GULP1: variants seen among roughly 807,000 people sequenced by gnomAD.
GULP1 encodes the protein GULP PTB domain containing engulfment adaptor 1.
In GULP1, 19 loss-of-function variants were observed where a neutral mutation model predicts 40.9. The observed-to-expected ratio is 0.46, with a 90% CI of 0.32 to 0.68. The LOEUF is 0.68. GULP1 is among the 30% of genes least tolerant of loss of function. GULP1 has a pLI of 0.03. For synonymous variants in GULP1, 119 were observed against 117.6 expected (o/e 1.01, Z -0.08); for missense variants, 312 against 362.2 (o/e 0.86, Z 1.12).
chr2:188,380,585 T>A (rs937304536), intron 1 of GULP1, among the ~76,000 whole-genome samples: 1 of 152,082 alleles, frequency 6.6e-6, no homozygotes, highest in Non-Finnish European at 1.5e-5. Context: ...AGGGCCAAGA[T>A]CTTATTTTAT....
At chr2:188,508,351 A>C (rs958824675) in intron 4 of GULP1, among the ~76,000 whole-genome samples, 2 of 152,128 alleles carry the variant, frequency 1.3e-5, no homozygotes. Flanking sequence ...TTAGAAGTCT[A>C]TAATAAGATT....
chr2:188,348,734 T>G (rs2044043649), intron 1 of GULP1, among the ~76,000 whole-genome samples: 1 of 152,156 alleles, frequency 6.6e-6, no homozygotes, highest in African/African-American at 2.4e-5. Context: ...GCTTCTCCAG[T>G]GGTAACATCT....
At chr2:188,564,179 C>T (rs904717317) in intron 7 of GULP1, among the ~76,000 whole-genome samples, 9 of 151,846 alleles carry the variant, frequency 5.9e-5, no homozygotes, top group African/African-American at 2.2e-4. Flanking sequence ...TTATTGAATG[C>T]TTTCCTTCTA....
intron 2 of GULP1, 113 bp from the exon 3 acceptor site, chr2:188,477,545 GT>G (rs2061109876): frequency 1.8e-6 from 1 of 565,608 alleles, no homozygotes; most frequent in South Asian, 2.6e-5. Context: ...TTAGAATATT[GT>G]TTGTAAATAT....
intron 10 of GULP1, among the ~76,000 whole-genome samples, chr2:188,585,717 A>T (rs891145017): frequency 9.9e-5 from 15 of 152,176 alleles, no homozygotes; most frequent in Non-Finnish European, 1.6e-4. Flanking sequence ...TTGGCCCACG[A>T]AACCATTTTT....
At chr2:188,584,121 T>C (rs1701880828) in intron 9 of GULP1, 144 bp from the exon 10 acceptor site, 1 of 536,704 alleles carries the variant, frequency 1.9e-6, no homozygotes, top group African/African-American at 1.9e-5. Context: ...TGCGAATACT[T>C]AACTATTTTT....
At chr2:188,445,658 T>C (rs992012731) in intron 2 of GULP1, among the ~76,000 whole-genome samples, 4 of 152,200 alleles carry the variant, frequency 2.6e-5, no homozygotes, top group Admixed American at 2.6e-4. Context: ...CAATAAATTA[T>C]GAGTAGTGTC....
chr2:188,341,515 A>G (rs1294592775), intron 1 of GULP1, among the ~76,000 whole-genome samples: 1 of 152,140 alleles, frequency 6.6e-6, no homozygotes, highest in African/African-American at 2.4e-5. Flanking sequence ...GTTGGGGGAC[A>G]TCCTTGATAC....
chr2:188,498,424 A>G (rs2153133578), intron 4 of GULP1, among the ~76,000 whole-genome samples: 1 of 152,058 alleles, frequency 6.6e-6, no homozygotes, highest in Non-Finnish European at 1.5e-5. Context: ...TAAAAAGCCC[A>G]AAATATAGAG....
intron 6 of GULP1, among the ~76,000 whole-genome samples, chr2:188,532,776 CTGGGTGTGGTGGTGGG>C (rs1270432285): frequency 2.3e-4 from 31 of 135,422 alleles, no homozygotes; most frequent in Non-Finnish European, 3.7e-4. Flanking sequence ...AAAAAAGTAG[CTGGGTGTGGTGGTGGG>C]TGCCTGTAAT....
At chr2:188,394,018 C>T (rs942308338) in intron 2 of GULP1, among the ~76,000 whole-genome samples, 2 of 152,056 alleles carry the variant, frequency 1.3e-5, no homozygotes, top group Admixed American at 1.3e-4. Context: ...GTCCTTTTTG[C>T]AATAAATCTC....
intron 1 of GULP1, among the ~76,000 whole-genome samples, chr2:188,318,516 A>G (rs542673002): frequency 1.3e-5 from 2 of 152,274 alleles, no homozygotes; most frequent in South Asian, 2.1e-4. Flanking sequence ...GTGGGACTCA[A>G]CAACGGAGAC....
chr2:188,314,670 T>C (rs1041800614), intron 1 of GULP1, among the ~76,000 whole-genome samples: 7 of 152,208 alleles, frequency 4.6e-5, no homozygotes, highest in African/African-American at 1.7e-4. Flanking sequence ...TTTCTTTATG[T>C]ACCTTTTAAA....
rs576303978 is a variant in GULP1, at chr2:188,467,683, C to T, written c.-44-9976C>T. Among the ~76,000 whole-genome samples the T allele has an allele frequency of 6.6e-5, 10 of 152,036 alleles. No homozygotes were observed. The South Asian group carries it at 1.9e-3, about 28-fold the overall frequency. ...AATATTTTCCATGTGGTTCACTTAT[C>T]GATAACTCATTTTTTTCCTCATTTA... On this transcript the variant is annotated intron_variant, in intron 2 of 11. Coordinates refer to ENST00000409830, the MANE Select transcript of GULP1 (RefSeq NM_016315.4).
At chr2:188,365,076 A>G (rs932400433) in intron 1 of GULP1, among the ~76,000 whole-genome samples, 1 of 152,164 alleles carries the variant, frequency 6.6e-6, no homozygotes, top group African/African-American at 2.4e-5. Flanking sequence ...TGCTGTTTAC[A>G]TCTGTACCAG....
intron 5 of GULP1, among the ~76,000 whole-genome samples, chr2:188,526,964 TGAA>T (rs1011251434): frequency 6.6e-6 from 1 of 152,172 alleles, no homozygotes; most frequent in African/African-American, 2.4e-5. Context: ...CATCCTGTTA[TGAA>T]GAAGAGAGAA....
intron 1 of GULP1, among the ~76,000 whole-genome samples, chr2:188,368,247 G>T (rs1022120045): frequency 2.0e-5 from 3 of 152,122 alleles, no homozygotes; most frequent in Non-Finnish European, 4.4e-5. Flanking sequence ...GAAAGAATGT[G>T]TTTTTTCTGC....
chr2:188,376,704 A>G (rs568481826), intron 1 of GULP1, among the ~76,000 whole-genome samples: 17 of 152,370 alleles, frequency 1.1e-4, no homozygotes, highest in South Asian at 1.0e-3. Flanking sequence ...CCAAATTGTC[A>G]AAGATTAAAA....
rs532033269 is a variant in GULP1, at chr2:188,386,827, G to C, written c.-45+2938G>C. Among the ~76,000 whole-genome samples, 33 of 152,182 alleles carry C rather than the reference G, an allele frequency of 2.2e-4. No individual in the cohort carries two copies. In the East Asian group the frequency reaches 5.8e-3, roughly 27 times the overall value. The stretch of plus-strand genomic sequence containing the variant: ...ATTTTCCTAATGAAACCCAGTTTAA[G>C]TTGAAAAAAATGAAAATTAAATTAA... On this transcript the variant is annotated intron_variant, in intron 2 of 11. Transcript: ENST00000409830.
Sources: allele counts gnomAD v4.1 joint callset (sites outside exome capture counted in the v4.1 genomes callset), GRCh38; gene constraint gnomAD v4.1.1; transcripts MANE v1.5; gene names NCBI Gene and HGNC (gene_info 2026-07-23, HGNC 2026-07-21).